The following KSR2 variants were observed in gnomAD, a reference collection of about 807,000 sequenced individuals.
KSR2 encodes the protein kinase suppressor of ras 2.
A neutral mutation model predicts 107.8 loss-of-function variants in KSR2; 25 were observed. The ratio of observed to expected loss-of-function variants is 0.23; its 90% CI spans 0.17 to 0.32. The LOEUF (loss-of-function observed/expected upper bound fraction) is 0.32. KSR2 is among the 10% of genes least tolerant of loss of function. KSR2 has a pLI of 1.00. For synonymous variants in KSR2, 480 were observed against 507.0 expected (o/e 0.95, Z 0.71); for missense variants, 887 against 1,268.9 (o/e 0.70, Z 4.57).
intron 5 of KSR2, among the ~76,000 whole-genome samples, chr12:117,639,362 C>T: frequency 6.6e-6 from 1 of 151,218 alleles, no homozygotes; most frequent in South Asian, 2.1e-4. Flanking sequence ...CAGAGTCTTG[C>T]TGTGTTGCCC....
intron 1 of KSR2, among the ~76,000 whole-genome samples, chr12:117,933,453 G>A (rs1056061360): frequency 3.9e-5 from 6 of 152,024 alleles, no homozygotes. Context: ...AGCCGGGTGT[G>A]GTGGCGGGCG....
At chr12:117,650,723 C>T (rs1883869919) in intron 5 of KSR2, among the ~76,000 whole-genome samples, 1 of 152,000 alleles carries the variant, frequency 6.6e-6, no homozygotes, top group Admixed American at 6.5e-5. Flanking sequence ...ATTTGGAGAC[C>T]CAAGGAACAC....
At chr12:117,785,638 A>T (rs1029971383) in intron 3 of KSR2, among the ~76,000 whole-genome samples, 5 of 152,150 alleles carry the variant, frequency 3.3e-5, no homozygotes, top group Non-Finnish European at 7.4e-5. Flanking sequence ...AAAATACACT[A>T]TCCAAAATTC....
In KSR2 at chr12:117,525,151, G is replaced by C; in HGVS notation, c.1920C>G (p.Leu640=). 6.2e-7 allele frequency: 1 copy of C among 1,613,966 alleles called. No homozygotes were observed. Among genetic ancestry groups the C allele is most frequent in the Non-Finnish European group, 8.5e-7 (1 of 1,179,858 alleles). Residue 640 remains leucine (L), a synonymous_variant, in exon 14 of 20, where the codon CTC becomes CTG. Coordinates refer to ENST00000339824, the MANE Select transcript of KSR2 (RefSeq NM_173598.6). ...CCTTGCGTGGGAAGCTCCGGGCCGA[G>C]AGGAGGGACAGGTTCATCTCCTCGA... ...DDFEEMNLSL[L]SARSFPRKAS...
chr12:117,877,658 G>A lies in KSR2; in HGVS notation c.181-17227C>T, dbSNP rs115398404. ...TTTGGAGATGAGAAAAAGAAGCACAGAGTAACAATGGAACTTGCCTAAGGT... is the reference window on the plus strand; with the variant it reads ...TTTGGAGATGAGAAAAAGAAGCACAAAGTAACAATGGAACTTGCCTAAGGT... On this transcript the variant is annotated intron_variant, in intron 1 of 19. Coordinates refer to ENST00000339824, the MANE Select transcript of KSR2 (RefSeq NM_173598.6). 8.9e-3 allele frequency among the ~76,000 whole-genome samples: 1,358 copies of A among 152,278 alleles called. 17 individuals carry two copies. The highest frequency in any genetic ancestry group is 0.031 in the African/African-American group (1,271 of 41,542).
At chr12:117,797,955 G>A (rs1193116501) in intron 3 of KSR2, among the ~76,000 whole-genome samples, 7 of 152,072 alleles carry the variant, frequency 4.6e-5, no homozygotes, top group African/African-American at 7.2e-5. Context: ...CCAGCCTGTC[G>A]CTTTGATATT....
intron 4 of KSR2, among the ~76,000 whole-genome samples, chr12:117,740,359 A>G (rs1275981420): frequency 2.2e-5 from 2 of 91,016 alleles, no homozygotes; most frequent in African/African-American, 5.9e-5. Context: ...TATATATAGT[A>G]TATATATATT....
At chr12:117,794,081 T>A (rs1242811442) in intron 3 of KSR2, among the ~76,000 whole-genome samples, 2 of 103,242 alleles carry the variant, frequency 1.9e-5, no homozygotes. Context: ...TACACCAACA[T>A]GCACACTCAC....
intron 1 of KSR2, among the ~76,000 whole-genome samples, chr12:117,936,542 G>C (rs576819378): frequency 0.018 from 2,502 of 140,346 alleles, 70 homozygotes; most frequent in African/African-American, 0.063. Context: ...ATTAGTAGTA[G>C]TAGTAGTAGT....
At chr12:117,686,727 G>A (rs1364001564) in intron 4 of KSR2, among the ~76,000 whole-genome samples, 2 of 152,120 alleles carry the variant, frequency 1.3e-5, no homozygotes, top group African/African-American at 4.8e-5. Flanking sequence ...AGCCAGAAAT[G>A]TTTTACTCAA....
rs1315413399 is a variant in KSR2 at position 117,548,094 on chromosome 12, T to TA, written c.1518+7074dup. On this transcript the variant is annotated intron_variant, in intron 9 of 19. Transcript: ENST00000339824. ...CCTGGGTGACAGTGAGACTCCATCT[T>TA]AAAAAAAAAAAAGTCTTAGGGAACT... Among the ~76,000 whole-genome samples, 555 of 145,190 alleles carry TA rather than the reference T, an allele frequency of 3.8e-3. 2 individuals carry two copies. The highest frequency in any genetic ancestry group is 0.013 in the African/African-American group (514 of 39,762).
intron 3 of KSR2, among the ~76,000 whole-genome samples, chr12:117,828,983 G>C (rs536088793): frequency 2.0e-4 from 31 of 152,334 alleles, no homozygotes; most frequent in African/African-American, 6.7e-4. Flanking sequence ...AGGTCGGCCA[G>C]CTTCAAAGCT....
chr12:117,631,632 T>A (rs1452854313), intron 5 of KSR2, among the ~76,000 whole-genome samples: 1 of 152,200 alleles, frequency 6.6e-6, no homozygotes, highest in South Asian at 2.1e-4. Context: ...TAGATAATCT[T>A]TAGTTGGTTC....
chr12:117,471,419 A>G, intron 17 of KSR2, 99 bp from the exon 18 acceptor site: 1 of 1,334,850 alleles, frequency 7.5e-7, no homozygotes, highest in Non-Finnish European at 1.0e-6. Context: ...GTCTCCTGGC[A>G]CCCATTCTTC....
chr12:117,662,424 T>C (rs988700357), intron 5 of KSR2, among the ~76,000 whole-genome samples: 1 of 152,158 alleles, frequency 6.6e-6, no homozygotes, highest in African/African-American at 2.4e-5. Context: ...TTCTGCTCCA[T>C]CAGTCTTTAT....
At chr12:117,823,094 G>A (rs1341177137) in intron 3 of KSR2, among the ~76,000 whole-genome samples, 2 of 151,216 alleles carry the variant, frequency 1.3e-5, no homozygotes, top group African/African-American at 4.9e-5. Flanking sequence ...AGGTCCTGAA[G>A]TGAGAATGGC....
At chr12:117,725,397 C>G (rs967497729) in intron 4 of KSR2, among the ~76,000 whole-genome samples, 1 of 152,134 alleles carries the variant, frequency 6.6e-6, no homozygotes, top group East Asian at 1.9e-4. Flanking sequence ...ATATGGCCAA[C>G]TTACATTTGA....
At chr12:117,819,007 CT>C (rs545770691) in intron 3 of KSR2, among the ~76,000 whole-genome samples, 1 of 152,112 alleles carries the variant, frequency 6.6e-6, no homozygotes, top group Non-Finnish European at 1.5e-5. Flanking sequence ...TCTTATACCC[CT>C]TTTTTCCAGA....
intron 3 of KSR2, among the ~76,000 whole-genome samples, chr12:117,833,500 C>T (rs1892063562): frequency 6.6e-6 from 1 of 152,202 alleles, no homozygotes; most frequent in South Asian, 2.1e-4. Context: ...ATAGCTGGGA[C>T]TACAGGCACA....
Sources: allele counts gnomAD v4.1 joint callset (sites outside exome capture counted in the v4.1 genomes callset), GRCh38; gene constraint gnomAD v4.1.1; transcripts MANE v1.5; gene names NCBI Gene and HGNC (gene_info 2026-07-23, HGNC 2026-07-21).